The following ACOT7 variants were observed in gnomAD, a reference collection of about 807,000 sequenced individuals.
The protein encoded by ACOT7 is acyl-CoA thioesterase 7.
A neutral mutation model predicts 40.2 loss-of-function variants in ACOT7; 12 were observed. That is an observed-to-expected ratio of 0.30 (90% CI 0.19 to 0.48). The LOEUF (loss-of-function observed/expected upper bound fraction) is 0.48, where lower values mean the gene tolerates loss of function less well. Ranked by LOEUF, ACOT7 falls within the 20% of genes least tolerant of loss-of-function variation. The probability of loss-of-function intolerance (pLI) is 0.99; values close to 1 mark genes in which losing one functional copy is unlikely to be tolerated. For missense variants in ACOT7, 395 were observed against 530.8 expected (o/e 0.74, Z 2.51); for synonymous variants, 228 against 219.5 (o/e 1.04, Z -0.34).
chr1:6,360,508 C>G, intron 1 of ACOT7: 1 of 1,598,778 alleles, frequency 6.3e-7, no homozygotes, highest in Non-Finnish European at 8.6e-7. Context: ...ACAGGTCCTC[C>G]CAAACACACT....
chr1:6,373,870 A>G (rs1168675166), intron 1 of ACOT7, among the ~76,000 whole-genome samples: 1 of 152,062 alleles, frequency 6.6e-6, no homozygotes, highest in Non-Finnish European at 1.5e-5. Context: ...CATCTTAAAA[A>G]AAAAAAAAAA....
intron 5 of ACOT7, among the ~76,000 whole-genome samples, chr1:6,320,294 T>G (rs756843120): frequency 1.3e-5 from 2 of 152,230 alleles, no homozygotes; most frequent in Non-Finnish European, 2.9e-5. Flanking sequence ...CCTGGGGGCC[T>G]GGTTCAGGCT....
chr1:6,306,164 C>T lies in ACOT7; in HGVS notation c.713-11184G>A, dbSNP rs922362321. 1.2e-6 allele frequency: 1 copy of T among 845,496 alleles called. No homozygotes were observed. Among genetic ancestry groups the T allele is most frequent in the Non-Finnish European group, 1.4e-6 (1 of 710,704 alleles). The allele number at this position is 845,496 out of a possible 1,614,324, so 52.4% of individuals were successfully genotyped here. A position where few individuals can be genotyped will look rare whatever the true frequency, so the allele number is the denominator to read the frequency against. ...GCACAGTCCAGCTTCGGCTCGGCATCAGAGGGAGACCGTGGCAAGAGAGGG... is the reference window on the plus strand; with the variant it reads ...GCACAGTCCAGCTTCGGCTCGGCATTAGAGGGAGACCGTGGCAAGAGAGGG... On this transcript the variant is annotated intron_variant, in intron 6 of 8. Coordinates refer to ENST00000361521, the MANE Select transcript of ACOT7 (RefSeq NM_007274.4). This position sits in a 1 kb window ranked among gnomAD's most constrained non-coding sequence, Gnocchi z 4.3.
intron 7 of ACOT7, among the ~76,000 whole-genome samples, chr1:6,283,624 A>T (rs1639417732): frequency 6.6e-6 from 1 of 152,260 alleles, no homozygotes; most frequent in African/African-American, 2.4e-5. Context: ...TAGGTTGATT[A>T]TAAAAGCATT....
intron 3 of ACOT7, among the ~76,000 whole-genome samples, chr1:6,333,899 C>A (rs1176904950): frequency 2.6e-5 from 4 of 152,158 alleles, no homozygotes; most frequent in Non-Finnish European, 4.4e-5. Flanking sequence ...CCCCTCCCAA[C>A]GCACCCACTC....
Position 6,306,952 on chromosome 1 carries a change from G to A in ACOT7, c.712+11540C>T. The A allele has an allele frequency of 7.8e-7, 1 of 1,281,622 alleles. No individual in the cohort carries two copies. Among genetic ancestry groups the A allele is most frequent in the Non-Finnish European group, 1.0e-6 (1 of 982,016 alleles). 79.4% of individuals were successfully genotyped at this position (1,281,622 alleles called of 1,614,324 possible). On this transcript the variant is annotated intron_variant, in intron 6 of 8. Transcript: ENST00000361521. This position sits in a 1 kb window ranked among gnomAD's most constrained non-coding sequence, Gnocchi z 4.3. Reference sequence around the variant, plus strand: ...CCAAGTGAACAAGAGCGTCTTGGTGGAGGCCTCACTTGCGTCCCCTCCCAT... The same window carrying A: ...CCAAGTGAACAAGAGCGTCTTGGTGAAGGCCTCACTTGCGTCCCCTCCCAT...
intron 6 of ACOT7, among the ~76,000 whole-genome samples, chr1:6,297,912 C>T (rs1639857460): frequency 1.3e-5 from 2 of 152,004 alleles, no homozygotes; most frequent in Non-Finnish European, 2.9e-5. Context: ...TGAGCATTCC[C>T]AGAATAAAAA....
At chr1:6,334,610 G>A (rs931153680) in intron 3 of ACOT7, among the ~76,000 whole-genome samples, 2 of 152,242 alleles carry the variant, frequency 1.3e-5, no homozygotes, top group Non-Finnish European at 2.9e-5. Flanking sequence ...GCTTCCAGGT[G>A]CCAAGAGACG....
chr1:6,382,622 C>T lies in ACOT7; in HGVS notation c.143+10635G>A, dbSNP rs561687885. Among the ~76,000 whole-genome samples the T allele has an allele frequency of 6.6e-5, 10 of 151,584 alleles. No homozygotes were observed. The East Asian group carries it at 1.6e-3, about 24-fold the overall frequency. ...CTTGAGCTCAGGAGTTTGGGACCAG[C>T]CTGGCCAACATGGCGAAATCCTGTC... On this transcript the variant is annotated intron_variant, in intron 1 of 8. Coordinates refer to ENST00000361521, the MANE Select transcript of ACOT7 (RefSeq NM_007274.4).
intron 4 of ACOT7, among the ~76,000 whole-genome samples, chr1:6,329,050 C>A (rs973956297): frequency 6.6e-6 from 1 of 152,278 alleles, no homozygotes; most frequent in African/African-American, 2.4e-5. Context: ...AGCCACGGAA[C>A]TCAGGGCCCC....
intron 5 of ACOT7, among the ~76,000 whole-genome samples, chr1:6,320,013 G>T (rs1055072112): frequency 6.6e-6 from 1 of 152,234 alleles, no homozygotes; most frequent in Admixed American, 6.5e-5. Flanking sequence ...AGGGCATGGG[G>T]GAAGCAAGAG....
At position 6,301,182 on chromosome 1, in the gene ACOT7, T is replaced by A. The variant is rs1463202402; in HGVS notation, c.713-6202A>T. Reference sequence around the variant, plus strand: ...GGGAAGGAGGAGGGAAAGGAAGGGTTCGTGTTGGATTTAATGTTCAGAACT... The same window carrying A: ...GGGAAGGAGGAGGGAAAGGAAGGGTACGTGTTGGATTTAATGTTCAGAACT... On this transcript the variant is annotated intron_variant, in intron 6 of 8. Coordinates refer to ENST00000361521, the MANE Select transcript of ACOT7 (RefSeq NM_007274.4). This position sits in a 1 kb window ranked among gnomAD's most constrained non-coding sequence, Gnocchi z 4.1. 6.6e-6 allele frequency among the ~76,000 whole-genome samples: 1 copy of A among 152,184 alleles called. No individual in the cohort carries two copies. The highest frequency in any genetic ancestry group is 1.5e-5 in the Non-Finnish European group (1 of 68,026).
intron 6 of ACOT7, among the ~76,000 whole-genome samples, chr1:6,305,814 G>A (rs1640132837): frequency 6.6e-6 from 1 of 152,206 alleles, no homozygotes; most frequent in Non-Finnish European, 1.5e-5. Context: ...TGCAATCTCG[G>A]CACTTTGGGG....
intron 1 of ACOT7, among the ~76,000 whole-genome samples, chr1:6,382,206 C>T (rs930635592): frequency 3.3e-5 from 5 of 151,288 alleles, no homozygotes; most frequent in Admixed American, 6.6e-5. Context: ...GAGGTCAAGA[C>T]CATTCTAGCC....
In ACOT7 at chr1:6,393,684, C is replaced by G. The variant is rs58125749; in HGVS notation, c.-285G>C. ...CAGCCGCGCCCGACCCGGTGGCAGCCCCGAGGGAAGCGTCTGGGGCGGCCT... is the reference window on the plus strand; with the variant it reads ...CAGCCGCGCCCGACCCGGTGGCAGCGCCGAGGGAAGCGTCTGGGGCGGCCT... On this transcript the variant is annotated 5_prime_UTR_variant, in exon 1 of 9. Transcript: ENST00000361521. 1.7e-5 allele frequency: 4 copies of G among 229,682 alleles called. No homozygotes were observed. The highest frequency in any genetic ancestry group is 3.4e-5 in the Non-Finnish European group (4 of 119,264). 14.2% of individuals were successfully genotyped at this position (229,682 alleles called of 1,614,324 possible). A position where few individuals can be genotyped will look rare whatever the true frequency, so the allele number is the denominator to read the frequency against.
chr1:6,335,629 A>C (rs1641079763), intron 3 of ACOT7, among the ~76,000 whole-genome samples: 1 of 152,194 alleles, frequency 6.6e-6, no homozygotes, highest in African/African-American at 2.4e-5. Context: ...AGAGGAGCTC[A>C]CTTCCCACCA....
At chr1:6,376,115 C>A (rs146763290) in intron 1 of ACOT7, among the ~76,000 whole-genome samples, 2 of 151,962 alleles carry the variant, frequency 1.3e-5, no homozygotes, top group African/African-American at 4.8e-5. Flanking sequence ...ATTAGCCATG[C>A]GTGGTGGCAG....
At chr1:6,272,541 G>T (rs1483787848) in intron 8 of ACOT7, among the ~76,000 whole-genome samples, 5 of 152,188 alleles carry the variant, frequency 3.3e-5, no homozygotes, top group African/African-American at 4.8e-5. Flanking sequence ...ACACACAGGT[G>T]GGGAGGGCTC....
intron 1 of ACOT7, among the ~76,000 whole-genome samples, chr1:6,381,856 C>T (rs919910932): frequency 1.1e-4 from 17 of 151,872 alleles, no homozygotes; most frequent in Non-Finnish European, 2.4e-4. Context: ...GGGAATGAGC[C>T]GGGCGCGGTG....
Sources: gnomAD v4.1 joint callset for allele counts (sites outside exome capture counted in the v4.1 genomes callset) on GRCh38, gnomAD v4.1.1 for gene constraint, Gnocchi (gnomAD v3.1) non-coding constraint, MANE v1.5 for transcripts, NCBI Gene and HGNC (gene_info 2026-07-23, HGNC 2026-07-21) for gene names.